Variants in HMOX1 observed in about 807,000 individuals in gnomAD.
HMOX1 encodes heme oxygenase 1.
HMOX1 carries 22 observed loss-of-function variants against 27.8 expected under a neutral mutation model. The observed-to-expected ratio is 0.79, with a 90% confidence interval of 0.57 to 1.13. HMOX1 has a LOEUF of 1.13. HMOX1 is among the 50% of genes most tolerant of loss of function. The pLI is 0.00. For missense variants in HMOX1, 379 were observed against 377.7 expected (o/e 1.00, Z -0.03); for synonymous variants, 153 against 151.6 (o/e 1.01, Z -0.07).
At chr22:35,389,391 C>CCTTCCTTCCTTTCTTCCTTT (rs1931636921) in intron 3 of HMOX1, among the ~76,000 whole-genome samples, 1 of 49,798 alleles carries the variant, frequency 2.0e-5, no homozygotes, top group African/African-American at 1.2e-4. Flanking sequence ...TTCCTTCCTT[C>CCTTCCTTCCTTTCTTCCTTT]CTTCCTTTCT....
rs1931381707 is a variant in HMOX1, at chr22:35,381,212, G to C, written c.23+16G>C. 3 of 1,545,356 alleles carry C rather than the reference G, an allele frequency of 1.9e-6. No homozygotes were observed. The East Asian group carries it at 7.2e-5, about 37-fold the overall frequency. ...AACCCGACAGGCAAGCGCGGGGCGC[G>C]GGACGCGGGACGGGCGCCTTTCTCT... On this transcript the variant is annotated intron_variant, in intron 1 of 4. Transcript: ENST00000216117.
chr22:35,392,238 GAAAGA>G (rs1397911976), intron 4 of HMOX1, among the ~76,000 whole-genome samples: 23 of 138,950 alleles, frequency 1.7e-4, no homozygotes, highest in East Asian at 4.3e-4. Context: ...AAAAAAAAAA[GAAAGA>G]AAAGAAAAGA....
intron 3 of HMOX1, among the ~76,000 whole-genome samples, chr22:35,389,433 TTTC>T (rs1187384285): frequency 1.2e-4 from 13 of 108,840 alleles, no homozygotes; most frequent in South Asian, 2.7e-4. Context: ...TCTTTCTATC[TTTC>T]TTTCTTTCTT....
chr22:35,391,750 C>T (rs1039374938), intron 4 of HMOX1, among the ~76,000 whole-genome samples: 1 of 144,964 alleles, frequency 6.9e-6, no homozygotes, highest in African/African-American at 2.5e-5. Flanking sequence ...CGTGCCACCA[C>T]ACCCAGATTT....
At chr22:35,382,290 C>T (rs1931402438) in intron 1 of HMOX1, among the ~76,000 whole-genome samples, 2 of 152,038 alleles carry the variant, frequency 1.3e-5, no homozygotes, top group African/African-American at 2.4e-5. Flanking sequence ...TACAAAGCTG[C>T]GAGAGCCACC....
intron 3 of HMOX1, among the ~76,000 whole-genome samples, chr22:35,388,350 G>T (rs1316438044): frequency 2.0e-5 from 3 of 152,042 alleles, no homozygotes; most frequent in Non-Finnish European, 2.9e-5. Flanking sequence ...TACTTGGGAG[G>T]CTGAGGTGGG....
intron 2 of HMOX1, among the ~76,000 whole-genome samples, chr22:35,384,371 AC>A (rs148970307): frequency 0.017 from 2,608 of 152,122 alleles, 74 homozygotes; most frequent in African/African-American, 0.059. Context: ...GGTGTGAGCC[AC>A]CACCCGGCCG....
At chr22:35,387,246 T>C in intron 3 of HMOX1, 70 bp downstream of exon 3, 1 of 1,570,232 alleles carries the variant, frequency 6.4e-7, no homozygotes, top group East Asian at 2.2e-5. Flanking sequence ...CTTCTCATTG[T>C]AGGGGAGGGT....
intron 4 of HMOX1, among the ~76,000 whole-genome samples, chr22:35,392,221 C>CA (rs35400739): frequency 0.38 from 34,182 of 90,188 alleles, 5,124 homozygotes; most frequent in East Asian, 0.53. Context: ...GACTCCATCT[C>CA]AAAAAAAAAA....
At position 35,389,706 on chromosome 22, in the gene HMOX1, G is replaced by A. The variant is rs546285997; in HGVS notation, c.637-158G>A. Among the ~76,000 whole-genome samples, 33 of 152,082 alleles carry A rather than the reference G, an allele frequency of 2.2e-4. No homozygotes were observed. The South Asian group carries it at 6.4e-3, about 30-fold the overall frequency. On this transcript the variant is annotated intron_variant, in intron 3 of 4. Transcript: ENST00000216117. ...TGTGCCCATCTTGGCCTCCCAAAGT[G>A]CTGGGATTACAGGGGCGCACCACCG... is the stretch of plus-strand genomic sequence containing the variant.
intron 1 of HMOX1, among the ~76,000 whole-genome samples, chr22:35,381,698 C>G (rs568984253): frequency 6.6e-6 from 1 of 152,212 alleles, no homozygotes; most frequent in South Asian, 2.1e-4. Flanking sequence ...TAGCTGGTGT[C>G]AGAACTGGGC....
At chr22:35,388,229 T>C (rs965814735) in intron 3 of HMOX1, among the ~76,000 whole-genome samples, 2 of 152,070 alleles carry the variant, frequency 1.3e-5, no homozygotes, top group African/African-American at 2.4e-5. Flanking sequence ...AGCAGGAAAA[T>C]GGCTTGAGCC....
At chr22:35,388,638 A>G (rs1931568153) in intron 3 of HMOX1, among the ~76,000 whole-genome samples, 1 of 151,036 alleles carries the variant, frequency 6.6e-6, no homozygotes, top group Non-Finnish European at 1.5e-5. Flanking sequence ...AAAAGAAAAT[A>G]CAAAAAAAAT....
At chr22:35,391,579 G>A (rs749435285) in intron 4 of HMOX1, among the ~76,000 whole-genome samples, 15 of 128,556 alleles carry the variant, frequency 1.2e-4, no homozygotes, top group East Asian at 4.8e-4. Flanking sequence ...GAGCCACCGC[G>A]CCCGGCCTTT....
chr22:35,391,514 C>T (rs1442438959), intron 4 of HMOX1, among the ~76,000 whole-genome samples: 2 of 151,014 alleles, frequency 1.3e-5, no homozygotes, highest in East Asian at 1.9e-4. Flanking sequence ...GTCTCGATCT[C>T]CTGACCTTGT....
At chr22:35,389,457 C>CT (rs1380675079) in intron 3 of HMOX1, among the ~76,000 whole-genome samples, 2 of 133,486 alleles carry the variant, frequency 1.5e-5, no homozygotes, top group African/African-American at 6.3e-5. Flanking sequence ...TCTTTTCTTT[C>CT]TTTCTTGCAG....
intron 1 of HMOX1, among the ~76,000 whole-genome samples, chr22:35,381,481 C>T (rs1036831173): frequency 5.3e-5 from 8 of 151,886 alleles, no homozygotes; most frequent in Admixed American, 5.2e-4. Flanking sequence ...TTTTTTAATC[C>T]TACTTTCGAG....
chr22:35,389,395 C>CCTTTCTTCCTTTCTTTCTTTCTTTCTTT (rs1931638856), intron 3 of HMOX1, among the ~76,000 whole-genome samples: 1 of 51,786 alleles, frequency 1.9e-5, no homozygotes, highest in African/African-American at 1.2e-4. Flanking sequence ...TTCCTTCCTT[C>CCTTTCTTCCTTTCTTTCTTTCTTTCTTT]CTTTCTTTCT....
At chr22:35,393,406 T>A in intron 4 of HMOX1, 62 bp from the exon 5 acceptor site, 1 of 1,607,874 alleles carries the variant, frequency 6.2e-7, no homozygotes, top group Non-Finnish European at 8.5e-7. Context: ...TGCTTTCCTA[T>A]GACATCAGAC....
Sources: gnomAD v4.1 joint callset for allele counts (sites outside exome capture counted in the v4.1 genomes callset) on GRCh38, gnomAD v4.1.1 for gene constraint, MANE v1.5 for transcripts, NCBI Gene and HGNC (gene_info 2026-07-23, HGNC 2026-07-21) for gene names.